The following AGPAT3 variants were observed in gnomAD, a reference collection of about 807,000 sequenced individuals.
The protein encoded by AGPAT3 is 1-acyl-sn-glycerol-3-phosphate acyltransferase gamma.
In AGPAT3, 5 loss-of-function variants were observed where a neutral mutation model predicts 47.3. The observed-to-expected ratio is 0.11, with a 90% CI of 0.06 to 0.22. The LOEUF (loss-of-function observed/expected upper bound fraction) is 0.22, where lower values mean the gene tolerates loss of function less well. Among genes scored for constraint, AGPAT3 ranks in the 10% least tolerant of loss-of-function variants. The probability of loss-of-function intolerance (pLI) is 1.00; values close to 1 mark genes in which losing one functional copy is unlikely to be tolerated. For missense variants in AGPAT3, 315 were observed against 493.0 expected (o/e 0.64, Z 3.42); for synonymous variants, 212 against 208.3 (o/e 1.02, Z -0.15).
intron 2 of AGPAT3, among the ~76,000 whole-genome samples, chr21:43,956,228 G>C (rs1403907091): frequency 1.3e-5 from 2 of 152,230 alleles, no homozygotes; most frequent in African/African-American, 4.8e-5. Context: ...AGCAAGCCTG[G>C]TCTGCCCAGC....
chr21:43,971,550 G>T (rs1249421902), intron 7 of AGPAT3, 60 bp downstream of exon 7: 2 of 1,540,962 alleles, frequency 1.3e-6, no homozygotes, highest in Admixed American at 3.4e-5. Context: ...CTTGCGCTGG[G>T]CAGAGGCCAG....
chr21:43,964,349 T>G (rs189369617), intron 3 of AGPAT3, among the ~76,000 whole-genome samples: 1 of 152,106 alleles, frequency 6.6e-6, no homozygotes, highest in East Asian at 1.9e-4. Context: ...TGCACCACGC[T>G]CAGCTAATTT....
intron 2 of AGPAT3, among the ~76,000 whole-genome samples, chr21:43,928,522 C>T (rs2087131650): frequency 2.6e-5 from 4 of 152,186 alleles, no homozygotes; most frequent in Non-Finnish European, 5.9e-5. Flanking sequence ...TCTGCTTCTC[C>T]CGACCCGTAG....
chr21:43,958,684 TGTG>T (rs1176928215), intron 2 of AGPAT3, among the ~76,000 whole-genome samples: 3 of 150,822 alleles, frequency 2.0e-5, no homozygotes, highest in African/African-American at 4.9e-5. Context: ...GTTTGTGGTG[TGTG>T]GTGTGTATGT....
intron 2 of AGPAT3, among the ~76,000 whole-genome samples, chr21:43,925,637 A>G (rs900667237): frequency 2.0e-5 from 3 of 152,168 alleles, no homozygotes; most frequent in Admixed American, 6.5e-5. Flanking sequence ...CCCCAGCCCC[A>G]GCGCCTCCAG....
chr21:43,935,568 C>T (rs2087417265), intron 2 of AGPAT3, among the ~76,000 whole-genome samples: 1 of 152,212 alleles, frequency 6.6e-6, no homozygotes, highest in Admixed American at 6.5e-5. Flanking sequence ...GGCGCTGCTG[C>T]GGAGCTCGGA....
At chr21:43,938,117 GACACAC>G (rs60019728) in intron 2 of AGPAT3, among the ~76,000 whole-genome samples, 40 of 147,452 alleles carry the variant, frequency 2.7e-4, no homozygotes, top group Middle Eastern at 7.0e-3. Context: ...CACACACACA[GACACAC>G]ACACACACAC....
rs572414602 is a variant in AGPAT3, at chr21:43,930,277, G to A, written c.-49+26258G>A. Among the ~76,000 whole-genome samples the A allele has an allele frequency of 5.5e-4, 84 of 152,270 alleles. 1 individual carries two copies. Among genetic ancestry groups the A allele is most frequent in the Admixed American group, 3.5e-3 (53 of 15,300 alleles). On this transcript the variant is annotated intron_variant, in intron 2 of 9. Transcript: ENST00000291572. This position sits in a 1 kb window ranked among gnomAD's most constrained non-coding sequence, Gnocchi z 5.0. The stretch of plus-strand genomic sequence containing the variant: ...GCACGGTGGGGTAGGGGGCTCTGGT[G>A]CCAATACCAATGCAGCCCGGTTCCC...
chr21:43,917,659 G>A (rs2086762722), intron 2 of AGPAT3, among the ~76,000 whole-genome samples: 1 of 152,104 alleles, frequency 6.6e-6, no homozygotes, highest in African/African-American at 2.4e-5. Flanking sequence ...TTTAAAGGTG[G>A]GGGGATGTGT....
Position 43,921,713 on chromosome 21 carries a change from G to C in AGPAT3, c.-49+17694G>C, listed in dbSNP as rs567277022. Among the ~76,000 whole-genome samples the C allele has an allele frequency of 3.3e-5, 5 of 152,294 alleles. No individual in the cohort carries two copies. The East Asian group carries it at 7.7e-4, about 23-fold the overall frequency. ...GGTGCCTTTGAAGTCACTTCGCTGG[G>C]TCCGCAATCAAAAGCCGGGGTTGGT... On this transcript the variant is annotated intron_variant, in intron 2 of 9. Coordinates refer to ENST00000291572, the MANE Select transcript of AGPAT3 (RefSeq NM_020132.5).
In AGPAT3 at chr21:43,982,647, G is replaced by A. The variant is rs529592653; in HGVS notation, c.*255G>A. On this transcript the variant is annotated 3_prime_UTR_variant, in exon 10 of 10. Transcript: ENST00000291572. The surrounding 1 kb of genome is among the most constrained non-coding windows in gnomAD (Gnocchi z 6.2). ...GGGTCCGGCCGGAGAGGCCTCCCGC[G>A]GACGCCGTCTCTCCAGAACTCCGCT... 94 of 330,444 alleles carry A rather than the reference G, an allele frequency of 2.8e-4. 1 individual carries two copies. The highest frequency in any genetic ancestry group is 4.0e-4 in the Non-Finnish European group (71 of 179,742). The allele number at this position is 330,444 out of a possible 1,614,324, so 20.5% of individuals were successfully genotyped here. A position where few individuals can be genotyped will look rare whatever the true frequency, so the allele number is the denominator to read the frequency against.
intron 1 of AGPAT3, among the ~76,000 whole-genome samples, chr21:43,891,344 C>G (rs1359656254): frequency 6.6e-6 from 1 of 152,148 alleles, no homozygotes; most frequent in African/African-American, 2.4e-5. Flanking sequence ...CCATAAGAAG[C>G]AACTCCGGGC....
intron 3 of AGPAT3, chr21:43,965,897 G>A (rs546740707): frequency 6.6e-6 from 1 of 152,216 alleles, no homozygotes; most frequent in Non-Finnish European, 1.5e-5. Context: ...ACAGGCTTGA[G>A]CCACCGCACC....
intron 1 of AGPAT3, among the ~76,000 whole-genome samples, chr21:43,899,712 C>T (rs1339994722): frequency 3.3e-5 from 5 of 152,206 alleles, no homozygotes; most frequent in Non-Finnish European, 7.4e-5. Flanking sequence ...TCACTGGTCC[C>T]CCAGGAGGCT....
intron 2 of AGPAT3, among the ~76,000 whole-genome samples, chr21:43,926,181 C>T (rs192897290): frequency 2.0e-5 from 3 of 152,348 alleles, no homozygotes; most frequent in Non-Finnish European, 4.4e-5. Context: ...GGGTACAGGT[C>T]ATCTGTAGAC....
chr21:43,917,232 C>A (rs1279027954), intron 2 of AGPAT3, among the ~76,000 whole-genome samples: 1 of 151,540 alleles, frequency 6.6e-6, no homozygotes, highest in Non-Finnish European at 1.5e-5. Flanking sequence ...CCATCCAGGG[C>A]ACATCCGCCC....
intron 1 of AGPAT3, among the ~76,000 whole-genome samples, chr21:43,896,457 TA>T (rs930506549): frequency 1.4e-4 from 22 of 151,978 alleles, no homozygotes; most frequent in African/African-American, 5.1e-4. Context: ...GAATCAAGTT[TA>T]TTCATCATGT....
chr21:43,890,706 C>T (rs2086083883), intron 1 of AGPAT3, among the ~76,000 whole-genome samples: 1 of 120,494 alleles, frequency 8.3e-6, no homozygotes. Flanking sequence ...AGCCACTGTG[C>T]CCAGCCAGGT....
chr21:43,879,256 A>G (rs1045371487), intron 1 of AGPAT3, among the ~76,000 whole-genome samples: 39 of 151,476 alleles, frequency 2.6e-4, no homozygotes, highest in African/African-American at 8.7e-4. Context: ...AGGCTGAGAC[A>G]TGAAAATTGC....
Sources: gnomAD v4.1 joint callset for allele counts (sites outside exome capture counted in the v4.1 genomes callset) on GRCh38, gnomAD v4.1.1 for gene constraint, Gnocchi (gnomAD v3.1) non-coding constraint, MANE v1.5 for transcripts, NCBI Gene and HGNC (gene_info 2026-07-23, HGNC 2026-07-21) for gene names.